Variants in MAP2 observed in about 807,000 individuals in gnomAD.
The protein encoded by MAP2 is microtubule-associated protein 2.
MAP2 carries 14 observed loss-of-function variants against 137.6 expected under a neutral mutation model. The observed-to-expected ratio is 0.10, with a 90% CI of 0.07 to 0.16. MAP2 has a LOEUF of 0.16. Ranked by LOEUF, MAP2 falls within the 10% of genes least tolerant of loss-of-function variation. MAP2 has a pLI of 1.00. For synonymous variants in MAP2, 786 were observed against 782.3 expected (o/e 1.00, Z -0.08); for missense variants, 2,088 against 2,191.5 (o/e 0.95, Z 0.94).
At chr2:209,433,676 A>G (rs1249424224) in intron 1 of MAP2, among the ~76,000 whole-genome samples, 1 of 152,140 alleles carries the variant, frequency 6.6e-6, no homozygotes, top group Non-Finnish European at 1.5e-5. Flanking sequence ...AGAGAGAAAT[A>G]ATTTAGAAAA....
At chr2:209,509,369 C>CAAAT (rs1189411989) in intron 2 of MAP2, among the ~76,000 whole-genome samples, 6 of 151,772 alleles carry the variant, frequency 4.0e-5, no homozygotes, top group Non-Finnish European at 2.9e-5. Flanking sequence ...TGCCTATTTT[C>CAAAT]AAATAAATAA....
chr2:209,668,295 A>G (rs1473233723), intron 5 of MAP2, among the ~76,000 whole-genome samples: 1 of 152,068 alleles, frequency 6.6e-6, no homozygotes. Flanking sequence ...AGATGCAGCT[A>G]TAGAAATTGA....
chr2:209,690,880 G>T (rs1258885671), intron 7 of MAP2: 2 of 1,247,936 alleles, frequency 1.6e-6, no homozygotes, highest in Non-Finnish European at 2.1e-6. Flanking sequence ...CATGTGTTTT[G>T]TTGCAAATGA....
intron 3 of MAP2, among the ~76,000 whole-genome samples, chr2:209,588,509 T>G (rs1444875191): frequency 6.6e-6 from 1 of 152,210 alleles, no homozygotes; most frequent in Non-Finnish European, 1.5e-5. Flanking sequence ...ATAACCAAAA[T>G]ATCTTTCTTC....
intron 1 of MAP2, among the ~76,000 whole-genome samples, chr2:209,465,978 G>A (rs1047300004): frequency 6.6e-6 from 1 of 152,096 alleles, no homozygotes; most frequent in Admixed American, 6.6e-5. Context: ...CAGAAATGCT[G>A]GAATTTGTCC....
chr2:209,521,153 C>T (rs1297681276), intron 2 of MAP2, among the ~76,000 whole-genome samples: 3 of 151,986 alleles, frequency 2.0e-5, no homozygotes, highest in Non-Finnish European at 4.4e-5. Flanking sequence ...ATTCACTAAA[C>T]AAATGCTTTC....
intron 2 of MAP2, among the ~76,000 whole-genome samples, chr2:209,573,783 A>T (rs187404970): frequency 1.8e-4 from 27 of 152,190 alleles, no homozygotes; most frequent in African/African-American, 6.5e-4. Context: ...GTCACTCTCC[A>T]TTACCCTCTG....
intron 1 of MAP2, among the ~76,000 whole-genome samples, chr2:209,480,195 A>T (rs1206637348): frequency 6.6e-6 from 1 of 152,160 alleles, no homozygotes; most frequent in Non-Finnish European, 1.5e-5. Flanking sequence ...TCTGCCAAGG[A>T]TGAGGGTCTT....
chr2:209,460,741 G>A (rs930735838), intron 1 of MAP2, among the ~76,000 whole-genome samples: 7 of 151,710 alleles, frequency 4.6e-5, no homozygotes, highest in East Asian at 1.9e-4. Context: ...ATTAAAAAAT[G>A]GAAACTTTTT....
chr2:209,621,304 G>C (rs551327375), intron 3 of MAP2, among the ~76,000 whole-genome samples: 8 of 145,470 alleles, frequency 5.5e-5, no homozygotes, highest in Non-Finnish European at 1.0e-4. Flanking sequence ...TGTCACCCAG[G>C]CTGGAGTACA....
At chr2:209,660,533 C>G (rs1302082329) in intron 5 of MAP2, among the ~76,000 whole-genome samples, 1 of 146,238 alleles carries the variant, frequency 6.8e-6, no homozygotes, top group Admixed American at 6.9e-5. Flanking sequence ...GCTGGGACTA[C>G]AGGCGCCCGC....
chr2:209,575,759 A>G (rs1369034831), intron 2 of MAP2, among the ~76,000 whole-genome samples: 2 of 152,152 alleles, frequency 1.3e-5, no homozygotes, highest in Non-Finnish European at 2.9e-5. Flanking sequence ...GGTGCTTTGG[A>G]TACCAGTGTC....
chr2:209,655,719 G>A (rs2095097772), intron 5 of MAP2, among the ~76,000 whole-genome samples: 1 of 152,120 alleles, frequency 6.6e-6, no homozygotes. Flanking sequence ...ATTTTAAAAA[G>A]GACCAGGGAT....
intron 1 of MAP2, among the ~76,000 whole-genome samples, chr2:209,493,189 C>T (rs956827139): frequency 8.5e-5 from 13 of 152,150 alleles, no homozygotes; most frequent in African/African-American, 1.2e-4. Flanking sequence ...AAAGGATTTC[C>T]TATTTAATAA....
intron 5 of MAP2, among the ~76,000 whole-genome samples, chr2:209,655,849 A>C (rs1351486565): frequency 6.6e-6 from 1 of 152,226 alleles, no homozygotes; most frequent in African/African-American, 2.4e-5. Flanking sequence ...GTCCACAGCT[A>C]TATGTTGTAA....
chr2:209,570,600 C>T (rs74860664), intron 2 of MAP2, among the ~76,000 whole-genome samples: 2,990 of 151,750 alleles, frequency 0.02, 95 homozygotes, highest in African/African-American at 0.068. Flanking sequence ...TGGACCAAGC[C>T]CGTATCTAAT....
At chr2:209,560,423 A>G (rs1469149063) in intron 2 of MAP2, among the ~76,000 whole-genome samples, 1 of 152,056 alleles carries the variant, frequency 6.6e-6, no homozygotes, top group Non-Finnish European at 1.5e-5. Context: ...TTATTTTCCC[A>G]GTGGATGCAG....
At chr2:209,673,614 A>G (rs1221257907) in intron 5 of MAP2, among the ~76,000 whole-genome samples, 1 of 151,876 alleles carries the variant, frequency 6.6e-6, no homozygotes, top group Non-Finnish European at 1.5e-5. Flanking sequence ...GAGCCTTTCA[A>G]AATATCAGAT....
chr2:209,541,464 G>T (rs966418130), intron 2 of MAP2, among the ~76,000 whole-genome samples: 4 of 151,166 alleles, frequency 2.6e-5, no homozygotes, highest in Admixed American at 6.6e-5. Context: ...CTTAAAATAA[G>T]ATAACAATGA....
Sources: gnomAD v4.1 joint callset for allele counts (sites outside exome capture counted in the v4.1 genomes callset) on GRCh38, gnomAD v4.1.1 for gene constraint, MANE v1.5 for transcripts, NCBI Gene and HGNC (gene_info 2026-07-23, HGNC 2026-07-21) for gene names.